DOCK1: variants seen among roughly 807,000 people sequenced by gnomAD.
The protein encoded by DOCK1 is dedicator of cytokinesis protein 1.
Under a neutral mutation model 262.7 loss-of-function variants are expected in DOCK1, and 138 were observed. The ratio of observed to expected loss-of-function variants is 0.53; its 90% confidence interval spans 0.46 to 0.61. The LOEUF (loss-of-function observed/expected upper bound fraction) is 0.61, where lower values mean the gene tolerates loss of function less well. DOCK1 is among the 20% of genes least tolerant of loss of function. The pLI is 0.00. For missense variants in DOCK1, 1,908 were observed against 2,370.7 expected, an observed-to-expected ratio of 0.80 and a Z score of 4.05; for synonymous variants, 866 against 867.4, an observed-to-expected ratio of 1.00 and a Z score of 0.03.
intron 29 of DOCK1, among the ~76,000 whole-genome samples, chr10:127,278,699 GAACTT>G (rs1020879087): frequency 1.2e-4 from 18 of 152,170 alleles, no homozygotes; most frequent in Admixed American, 2.6e-4. Flanking sequence ...GAGGAGAGAG[GAACTT>G]AACTTTGTTT....
At chr10:127,369,108 A>G (rs1048308348) in intron 33 of DOCK1, among the ~76,000 whole-genome samples, 8 of 152,178 alleles carry the variant, frequency 5.3e-5, no homozygotes. Flanking sequence ...TGTTTGAATA[A>G]TCTCTTCACA....
At chr10:126,919,370 A>G (rs910538622) in intron 1 of DOCK1, among the ~76,000 whole-genome samples, 5 of 152,226 alleles carry the variant, frequency 3.3e-5, no homozygotes, top group African/African-American at 4.8e-5. Flanking sequence ...CTGTGCTTCT[A>G]TTAACTTCAC....
chr10:126,968,454 G>GTATGAGA (rs2037844852), intron 1 of DOCK1, among the ~76,000 whole-genome samples: 1 of 152,094 alleles, frequency 6.6e-6, no homozygotes, highest in Non-Finnish European at 1.5e-5. Flanking sequence ...TCATTTCACA[G>GTATGAGA]TTAAATGTGA....
At chr10:127,318,158 T>A (rs1312657951) in intron 29 of DOCK1, among the ~76,000 whole-genome samples, 1 of 152,242 alleles carries the variant, frequency 6.6e-6, no homozygotes, top group Non-Finnish European at 1.5e-5. Context: ...TCTGGATTAT[T>A]TTCGTTGCAA....
chr10:127,380,549 G>A (rs371475277), intron 36 of DOCK1, among the ~76,000 whole-genome samples: 5 of 152,114 alleles, frequency 3.3e-5, no homozygotes, highest in African/African-American at 7.2e-5. Flanking sequence ...CCATAGTCCC[G>A]TGTTTTTTAT....
At chr10:127,283,478 A>C (rs2061036560) in intron 29 of DOCK1, among the ~76,000 whole-genome samples, 1 of 152,232 alleles carries the variant, frequency 6.6e-6, no homozygotes, top group Admixed American at 6.5e-5. Context: ...CATTACATTC[A>C]TTAGTTATAG....
chr10:127,024,728 A>G lies in DOCK1; in HGVS notation c.1496A>G (p.Tyr499Cys). 6.2e-7 allele frequency: 1 copy of G among 1,612,716 alleles called. No individual in the cohort carries two copies. ...GCTGGTGATGAAGCGATTTCAGAGT[A>G]CAAATCTGTGATTTACTACCAAGTA... ...PGAGDEAISE[Y>C]KSVIYYQVKQ... is the part of the protein sequence containing the mutation. The change falls in exon 15 of 52, where the codon TAC (tyrosine) becomes TGC (cysteine). Residue 499 changes from tyrosine to cysteine, a missense_variant. Tyr to Cys is a radical substitution (Grantham distance 194, BLOSUM62 -2). Coordinates refer to ENST00000623213, the MANE Select transcript of DOCK1 (RefSeq NM_001290223.2).
At position 127,012,220 on chromosome 10, in the gene DOCK1, C is replaced by T. The variant is rs775402264; in HGVS notation, c.1059-12C>T. On this transcript the variant is annotated splice_polypyrimidine_tract_variant and intron_variant, in intron 11 of 51. Coordinates refer to ENST00000623213, the MANE Select transcript of DOCK1 (RefSeq NM_001290223.2). This position sits in a 1 kb window ranked among gnomAD's most constrained non-coding sequence, Gnocchi z 4.0. ...TTGTCTCCTGTGGTCTTGGTCGTCC[C>T]GTGCCCTCCAGGCTCGCGTTGGACG... 27 of 1,478,788 alleles carry T rather than the reference C, an allele frequency of 1.8e-5. No homozygotes were observed. The highest frequency in any genetic ancestry group is 2.3e-5 in the South Asian group (2 of 88,138). 91.6% of individuals were successfully genotyped at this position (1,478,788 alleles called of 1,614,324 possible). A position where few individuals can be genotyped will look rare whatever the true frequency, so the allele number is the denominator to read the frequency against.
intron 29 of DOCK1, among the ~76,000 whole-genome samples, chr10:127,336,744 T>G (rs2063214342): frequency 6.6e-6 from 1 of 152,152 alleles, no homozygotes; most frequent in Non-Finnish European, 1.5e-5. Context: ...TTTCACTGTG[T>G]TAGCCAGGAT....
chr10:126,930,257 G>A (rs1274653052), intron 1 of DOCK1, among the ~76,000 whole-genome samples: 1 of 152,208 alleles, frequency 6.6e-6, no homozygotes, highest in Non-Finnish European at 1.5e-5. Flanking sequence ...GGTGCTGCTG[G>A]GAACATTCAT....
intron 30 of DOCK1, among the ~76,000 whole-genome samples, chr10:127,339,733 G>GCGCGCA (rs146587049): frequency 1.8e-5 from 2 of 109,230 alleles, no homozygotes; most frequent in East Asian, 3.5e-4. Flanking sequence ...GTGTGTGTGT[G>GCGCGCA]TGCATGCTGT....
At chr10:127,199,970 C>G (rs1012312860) in intron 27 of DOCK1, among the ~76,000 whole-genome samples, 1 of 152,228 alleles carries the variant, frequency 6.6e-6, no homozygotes, top group Admixed American at 6.5e-5. Context: ...TCCAAACTAG[C>G]AACTGCAGAA....
intron 46 of DOCK1, among the ~76,000 whole-genome samples, chr10:127,421,291 T>C (rs183266228): frequency 2.0e-5 from 3 of 152,220 alleles, no homozygotes; most frequent in Admixed American, 2.0e-4. Flanking sequence ...CATTGGCCAA[T>C]GAGACGTCTT....
rs2039493024 is a variant in DOCK1 at position 126,987,502 on chromosome 10, T to C, written c.228-19T>C. On this transcript the variant is annotated intron_variant, in intron 4 of 51. Transcript: ENST00000623213. ...AGTGAAACCGTGGACTCAGCTGCTC[T>C]TTCCTTCTTTCCTCCCAGGCAACAT... 6.4e-7 allele frequency: 1 copy of C among 1,564,474 alleles called. No homozygotes were observed. Among genetic ancestry groups the C allele is most frequent in the South Asian group, 1.2e-5 (1 of 84,558 alleles).
intron 4 of DOCK1, among the ~76,000 whole-genome samples, chr10:126,986,629 G>A (rs539670468): frequency 1.3e-5 from 2 of 152,370 alleles, no homozygotes; most frequent in East Asian, 3.9e-4. Context: ...AAGTCAAGGG[G>A]CTGGGCGCGG....
intron 29 of DOCK1, among the ~76,000 whole-genome samples, chr10:127,264,915 C>T (rs937594541): frequency 1.3e-5 from 2 of 152,160 alleles, no homozygotes; most frequent in Admixed American, 6.5e-5. Context: ...GTGATCCACC[C>T]GCCTTGTCCT....
At chr10:127,331,992 C>T (rs1009235081) in intron 29 of DOCK1, among the ~76,000 whole-genome samples, 1 of 152,164 alleles carries the variant, frequency 6.6e-6, no homozygotes, top group Non-Finnish European at 1.5e-5. Flanking sequence ...TAGAGGTGGT[C>T]GTGTGGGAGA....
intron 29 of DOCK1, among the ~76,000 whole-genome samples, chr10:127,296,715 A>T (rs1175670661): frequency 6.6e-6 from 1 of 152,156 alleles, no homozygotes; most frequent in African/African-American, 2.4e-5. Context: ...GGACAATGGG[A>T]TGAGGGAAGG....
chr10:127,259,864 A>G (rs200703573), intron 29 of DOCK1, among the ~76,000 whole-genome samples: 1 of 146,426 alleles, frequency 6.8e-6, no homozygotes, highest in East Asian at 2.0e-4. Flanking sequence ...CTCTCTTCCT[A>G]CTTCACTGTC....
Sources: gnomAD v4.1 joint callset for allele counts (sites outside exome capture counted in the v4.1 genomes callset) on GRCh38, gnomAD v4.1.1 for gene constraint, Gnocchi (gnomAD v3.1) non-coding constraint, MANE v1.5 for transcripts, NCBI Gene and HGNC (gene_info 2026-07-23, HGNC 2026-07-21) for gene names.